PDGFD: variants seen among roughly 807,000 people sequenced by gnomAD.
PDGFD encodes platelet-derived growth factor D.
PDGFD carries 30 observed loss-of-function variants against 44.7 expected under a neutral mutation model. The observed-to-expected ratio is 0.67, with a 90% confidence interval of 0.50 to 0.91. PDGFD has a LOEUF of 0.91. Ranked by LOEUF, PDGFD falls within the 40% of genes least tolerant of loss-of-function variation. The pLI, the probability that PDGFD is intolerant of heterozygous loss-of-function variation, is 0.00. For synonymous variants in PDGFD, 173 were observed against 168.4 expected (o/e 1.03, Z -0.21); for missense variants, 445 against 457.8 (o/e 0.97, Z 0.25).
intron 1 of PDGFD, among the ~76,000 whole-genome samples, chr11:104,131,106 G>A (rs996632017): frequency 6.6e-6 from 1 of 152,154 alleles, no homozygotes; most frequent in African/African-American, 2.4e-5. Context: ...ACATGAAGTT[G>A]TAGTCAGTCT....
chr11:103,925,716 C>CACATATATATATAT (rs1198529368), intron 6 of PDGFD, among the ~76,000 whole-genome samples: 15 of 122,774 alleles, frequency 1.2e-4, no homozygotes, highest in African/African-American at 4.8e-4. Flanking sequence ...CACACACACA[C>CACATATATATATAT]ATATATATAT....
chr11:104,106,178 T>C (rs1479513605), intron 1 of PDGFD, among the ~76,000 whole-genome samples: 1 of 152,174 alleles, frequency 6.6e-6, no homozygotes, highest in Non-Finnish European at 1.5e-5. Flanking sequence ...ATAAACTATG[T>C]AATCTCAAAC....
intron 1 of PDGFD, among the ~76,000 whole-genome samples, chr11:104,097,971 TG>T (rs1339162894): frequency 1.2e-4 from 19 of 152,294 alleles, no homozygotes; most frequent in Admixed American, 1.2e-3. Flanking sequence ...AAACTGCAAC[TG>T]TCCTCTCCAA....
intron 6 of PDGFD, among the ~76,000 whole-genome samples, chr11:103,917,565 TAC>T (rs1324638455): frequency 2.0e-5 from 3 of 152,232 alleles, no homozygotes; most frequent in African/African-American, 7.2e-5. Context: ...TATAGCATTT[TAC>T]AGTTTTTGAA....
chr11:103,992,583 T>C (rs1859474326), intron 3 of PDGFD, among the ~76,000 whole-genome samples: 1 of 152,188 alleles, frequency 6.6e-6, no homozygotes, highest in East Asian at 1.9e-4. Flanking sequence ...AGGTATGCTT[T>C]ATGGTAAGGC....
chr11:103,924,634 A>G (rs1396221976), intron 6 of PDGFD, among the ~76,000 whole-genome samples: 1 of 152,070 alleles, frequency 6.6e-6, no homozygotes, highest in Non-Finnish European at 1.5e-5. Context: ...ATTATTACAT[A>G]CTCATTTTTG....
chr11:104,045,436 C>T (rs1860425305), intron 1 of PDGFD, among the ~76,000 whole-genome samples: 1 of 151,878 alleles, frequency 6.6e-6, no homozygotes, highest in South Asian at 2.1e-4. Flanking sequence ...GATCAAACTG[C>T]TTTAATTTTC....
At chr11:104,069,684 C>A (rs1180074897) in intron 1 of PDGFD, among the ~76,000 whole-genome samples, 3 of 152,144 alleles carry the variant, frequency 2.0e-5, no homozygotes, top group African/African-American at 7.2e-5. Flanking sequence ...CACGGTGAAA[C>A]CCCGTCTCTA....
At chr11:104,154,255 G>T (rs1336022245) in intron 1 of PDGFD, among the ~76,000 whole-genome samples, 1 of 152,092 alleles carries the variant, frequency 6.6e-6, no homozygotes, top group Non-Finnish European at 1.5e-5. Context: ...CAGAGAAAGA[G>T]TAAAACACAA....
In PDGFD at chr11:104,005,025, C is replaced by T. The variant is rs185325254; in HGVS notation, c.125-4770G>A. Among the ~76,000 whole-genome samples the T allele has an allele frequency of 1.5e-4, 23 of 151,914 alleles. No homozygotes were observed. In the East Asian group the frequency reaches 2.5e-3, roughly 17 times the overall value. On this transcript the variant is annotated intron_variant, in intron 1 of 6. Transcript: ENST00000393158. ...TCCCGAGTAGCTGGGATTATAGGCACGCACCACCATGCCCAGCTAATTTTT... is the reference window on the plus strand; with the variant it reads ...TCCCGAGTAGCTGGGATTATAGGCATGCACCACCATGCCCAGCTAATTTTT...
chr11:104,141,276 C>G (rs75154788), intron 1 of PDGFD, among the ~76,000 whole-genome samples: 2,418 of 152,282 alleles, frequency 0.016, 34 homozygotes, highest in Middle Eastern at 0.037. Context: ...AAAAAGATGT[C>G]TACATTCTAA....
chr11:103,946,770 T>A (rs1325589364), intron 4 of PDGFD, among the ~76,000 whole-genome samples: 1 of 152,220 alleles, frequency 6.6e-6, no homozygotes. Context: ...CTCTCCAATC[T>A]TTTGATCAGA....
At chr11:103,939,926 A>C (rs1405779691) in intron 5 of PDGFD, among the ~76,000 whole-genome samples, 2 of 151,984 alleles carry the variant, frequency 1.3e-5, no homozygotes, top group African/African-American at 4.8e-5. Flanking sequence ...GAATATATTA[A>C]CTTGTTATAT....
intron 5 of PDGFD, among the ~76,000 whole-genome samples, chr11:103,938,501 A>G (rs1012659744): frequency 8.6e-5 from 13 of 151,990 alleles, no homozygotes; most frequent in Non-Finnish European, 1.5e-4. Context: ...CCATTCTGTA[A>G]GTTGCCTGTT....
In PDGFD at chr11:104,139,845, G is replaced by A. The variant is rs1192848268; in HGVS notation, c.124+23959C>T. 9.9e-5 allele frequency among the ~76,000 whole-genome samples: 2 copies of A among 20,184 alleles called. 1 individual carries two copies. Among genetic ancestry groups the A allele is most frequent in the Non-Finnish European group, 1.7e-4 (2 of 12,100 alleles). 13.2% of individuals were successfully genotyped at this position (20,184 alleles called of 152,430 possible). A position where few individuals can be genotyped will look rare whatever the true frequency, so the allele number is the denominator to read the frequency against. On this transcript the variant is annotated intron_variant, in intron 1 of 6. Coordinates refer to ENST00000393158, the MANE Select transcript of PDGFD (RefSeq NM_025208.5). ...GAGGTCAGGAGATCGAGACCATCCT[G>A]GCTAACAAGGTGAAACCCCGTCTCT...
chr11:104,081,493 A>T (rs1861044750), intron 1 of PDGFD, among the ~76,000 whole-genome samples: 1 of 152,186 alleles, frequency 6.6e-6, no homozygotes, highest in African/African-American at 2.4e-5. Flanking sequence ...TCTTTCACCA[A>T]GAAACCCATA....
chr11:103,922,256 T>TTTC (rs1349493477), intron 6 of PDGFD, among the ~76,000 whole-genome samples: 2 of 152,188 alleles, frequency 1.3e-5, no homozygotes, highest in Non-Finnish European at 2.9e-5. Context: ...GAAATAATAG[T>TTTC]TTCTTCTAAT....
chr11:103,915,481 A>C (rs1435814044), intron 6 of PDGFD, among the ~76,000 whole-genome samples: 1 of 152,224 alleles, frequency 6.6e-6, no homozygotes, highest in Non-Finnish European at 1.5e-5. Flanking sequence ...TTCCATGCTC[A>C]CAGATAGTAA....
At chr11:104,102,232 A>G (rs1170393613) in intron 1 of PDGFD, among the ~76,000 whole-genome samples, 1 of 152,168 alleles carries the variant, frequency 6.6e-6, no homozygotes, top group Admixed American at 6.5e-5. Context: ...AATTTACAAG[A>G]AAAAAACAAA....
Sources: allele counts gnomAD v4.1 joint callset (sites outside exome capture counted in the v4.1 genomes callset), GRCh38; gene constraint gnomAD v4.1.1; transcripts MANE v1.5; gene names NCBI Gene and HGNC (gene_info 2026-07-23, HGNC 2026-07-21).